The following TMEM45A variants were observed in gnomAD, a reference collection of about 807,000 sequenced individuals.
TMEM45A encodes DNA polymerase-transactivated protein 4.
Under a neutral mutation model 32.0 loss-of-function variants are expected in TMEM45A, and 25 were observed. That is an observed-to-expected ratio of 0.78 (90% CI 0.57 to 1.09). The LOEUF is 1.09. Ranked by LOEUF, TMEM45A falls within the 50% of genes least tolerant of loss-of-function variation. The pLI, the probability that TMEM45A is intolerant of heterozygous loss-of-function variation, is 0.00. For missense variants in TMEM45A, 302 were observed against 325.0 expected, an observed-to-expected ratio of 0.93 and a Z score of 0.54; for synonymous variants, 122 against 114.8, an observed-to-expected ratio of 1.06 and a Z score of -0.40.
At chr3:100,552,403 C>T (rs1706127192) in intron 1 of TMEM45A, among the ~76,000 whole-genome samples, 1 of 152,140 alleles carries the variant, frequency 6.6e-6, no homozygotes, top group African/African-American at 2.4e-5. Context: ...TAGGGACCCT[C>T]CCCTATTTGG....
chr3:100,534,336 A>C (rs1329679073), intron 1 of TMEM45A, among the ~76,000 whole-genome samples: 1 of 152,176 alleles, frequency 6.6e-6, no homozygotes, highest in East Asian at 1.9e-4. Context: ...GGGGCTGGAG[A>C]GATTATCCTG....
At chr3:100,519,784 T>C (rs987293056) in intron 1 of TMEM45A, among the ~76,000 whole-genome samples, 2 of 152,234 alleles carry the variant, frequency 1.3e-5, no homozygotes, top group African/African-American at 4.8e-5. Context: ...CTAATGCTGA[T>C]GATTCTGTAG....
chr3:100,546,632 C>T (rs1447448588), intron 1 of TMEM45A, among the ~76,000 whole-genome samples: 1 of 152,206 alleles, frequency 6.6e-6, no homozygotes, highest in African/African-American at 2.4e-5. Context: ...CTGACTTTGA[C>T]TACAGTGGTG....
At chr3:100,545,070 C>A (rs1705957610) in intron 1 of TMEM45A, among the ~76,000 whole-genome samples, 1 of 152,056 alleles carries the variant, frequency 6.6e-6, no homozygotes, top group African/African-American at 2.4e-5. Flanking sequence ...TTAGCATATC[C>A]CAAATGACTA....
chr3:100,553,368 C>T (rs770699299), intron 1 of TMEM45A, among the ~76,000 whole-genome samples: 9 of 152,054 alleles, frequency 5.9e-5, no homozygotes, highest in East Asian at 1.9e-4. Context: ...TCAGTGGCTG[C>T]GTAATTTATT....
chr3:100,507,674 G>A (rs577495012), intron 1 of TMEM45A, among the ~76,000 whole-genome samples: 15 of 152,210 alleles, frequency 9.9e-5, no homozygotes, highest in African/African-American at 3.6e-4. Flanking sequence ...AGTCAGTGTT[G>A]TCATGACCAC....
At position 100,559,793 on chromosome 3, in the gene TMEM45A, TG is replaced by T. The variant is rs554977034; in HGVS notation, c.588+1205del. Among the ~76,000 whole-genome samples, 17 of 151,330 alleles carry T rather than the reference TG, an allele frequency of 1.1e-4. No individual in the cohort carries two copies. The East Asian group carries it at 3.1e-3, about 28-fold the overall frequency. ...CTTGTGTGCTCCTGACACATAGCAA[TG>T]ACAGATAAAATAAAATAAAATAAAA... On this transcript the variant is annotated intron_variant, in intron 4 of 5. Coordinates refer to ENST00000323523, the MANE Select transcript of TMEM45A (RefSeq NM_018004.3).
chr3:100,565,925 C>T (rs1706425545), intron 4 of TMEM45A, among the ~76,000 whole-genome samples: 1 of 152,140 alleles, frequency 6.6e-6, no homozygotes, highest in African/African-American at 2.4e-5. Context: ...AAAATAGTCA[C>T]TCTCCCGTCT....
intron 1 of TMEM45A, among the ~76,000 whole-genome samples, chr3:100,543,440 G>A (rs1021125244): frequency 1.3e-5 from 2 of 152,178 alleles, no homozygotes; most frequent in Non-Finnish European, 2.9e-5. Context: ...TTGGCAAAGT[G>A]TAATAGTAAT....
chr3:100,533,282 C>A (rs1043552004), intron 1 of TMEM45A, among the ~76,000 whole-genome samples: 5 of 152,058 alleles, frequency 3.3e-5, no homozygotes, highest in Non-Finnish European at 5.9e-5. Flanking sequence ...CCAAGAGACT[C>A]TGATTTAATA....
intron 4 of TMEM45A, among the ~76,000 whole-genome samples, chr3:100,565,739 A>G (rs1706418918): frequency 6.6e-6 from 1 of 152,186 alleles, no homozygotes. Flanking sequence ...TCATCCAGTT[A>G]TCTATTATCT....
At chr3:100,506,372 C>T (rs1282266128) in intron 1 of TMEM45A, among the ~76,000 whole-genome samples, 7 of 152,080 alleles carry the variant, frequency 4.6e-5, no homozygotes, top group Admixed American at 1.3e-4. Flanking sequence ...AAAAAAAATC[C>T]GGTGCCAAAC....
At chr3:100,552,280 G>A (rs1400083003) in intron 1 of TMEM45A, among the ~76,000 whole-genome samples, 1 of 152,110 alleles carries the variant, frequency 6.6e-6, no homozygotes, top group Non-Finnish European at 1.5e-5. Flanking sequence ...CAGTTGCACA[G>A]GCTTTCATAA....
chr3:100,557,923 C>G (rs1706256666), intron 3 of TMEM45A, among the ~76,000 whole-genome samples: 1 of 152,162 alleles, frequency 6.6e-6, no homozygotes, highest in African/African-American at 2.4e-5. Context: ...TTTGCTTCCT[C>G]CAGTGGACTG....
intron 1 of TMEM45A, among the ~76,000 whole-genome samples, chr3:100,517,125 C>CTTTT (rs1553680706): frequency 6.6e-6 from 1 of 151,156 alleles, no homozygotes; most frequent in Non-Finnish European, 1.5e-5. Context: ...CTTTTCTTTT[C>CTTTT]TTTTTTTTTA....
intron 1 of TMEM45A, among the ~76,000 whole-genome samples, chr3:100,515,859 T>C (rs559090585): frequency 6.6e-6 from 1 of 152,040 alleles, no homozygotes; most frequent in South Asian, 2.1e-4. Flanking sequence ...GGGAGGAGGA[T>C]GAAGAGAGGT....
intron 1 of TMEM45A, among the ~76,000 whole-genome samples, chr3:100,538,010 T>C (rs940953376): frequency 3.3e-5 from 5 of 152,208 alleles, no homozygotes; most frequent in African/African-American, 1.2e-4. Flanking sequence ...CACTGAAGAA[T>C]GTTCTGCATC....
At chr3:100,511,956 G>A (rs1167003736) in intron 1 of TMEM45A, among the ~76,000 whole-genome samples, 1 of 152,008 alleles carries the variant, frequency 6.6e-6, no homozygotes, top group Non-Finnish European at 1.5e-5. Flanking sequence ...CAATACAGGA[G>A]CACCCAGATT....
intron 4 of TMEM45A, 100 bp from the exon 5 acceptor site, chr3:100,568,722 T>C (rs1445936577): frequency 9.1e-7 from 1 of 1,100,636 alleles, no homozygotes; most frequent in Non-Finnish European, 1.3e-6. Flanking sequence ...ATAATTGGAG[T>C]TAACTTAGTT....
Sources: gnomAD v4.1 joint callset for allele counts (sites outside exome capture counted in the v4.1 genomes callset) on GRCh38, gnomAD v4.1.1 for gene constraint, MANE v1.5 for transcripts, NCBI Gene and HGNC (gene_info 2026-07-23, HGNC 2026-07-21) for gene names.